The following HMCN2 variants were observed in gnomAD, a reference collection of about 807,000 sequenced individuals.
The protein encoded by HMCN2 is hemicentin-2.
HMCN2 carries 325 observed loss-of-function variants against 377.5 expected under a neutral mutation model. The observed-to-expected ratio is 0.86, with a 90% confidence interval of 0.79 to 0.94. HMCN2 has a LOEUF of 0.94. HMCN2 is among the 40% of genes least tolerant of loss of function. The pLI is 0.00. For synonymous variants in HMCN2, 2,007 were observed against 2,046.8 expected (o/e 0.98, Z 0.53); for missense variants, 4,543 against 4,725.3 (o/e 0.96, Z 1.13).
intron 15 of HMCN2, among the ~76,000 whole-genome samples, chr9:130,312,539 C>CCTTTCTTTCTTTTT: frequency 1.5e-4 from 1 of 6,620 alleles, no homozygotes; most frequent in African/African-American, 3.9e-4. Flanking sequence ...CTCCCTCCCT[C>CCTTTCTTTCTTTTT]CTTTCTTTCT....
Position 130,403,796 on chromosome 9 carries a change from A to C in HMCN2, c.12069A>C (p.Pro4023=). The C allele has an allele frequency of 7.8e-7, 1 of 1,289,832 alleles. No homozygotes were observed. The highest frequency in any genetic ancestry group is 1.5e-5 in the African/African-American group (1 of 65,986). 79.9% of individuals were successfully genotyped at this position (1,289,832 alleles called of 1,614,324 possible). A position where few individuals can be genotyped will look rare whatever the true frequency, so the allele number is the denominator to read the frequency against. ...AGCTGCGGATTGCCCATGCCAGCCC[A>C]GAGGATGCTGGAAACTATCTCTGCA... The part of the protein sequence containing the change: ...GGQLRIAHAS[P]EDAGNYLCIA... The change falls in exon 80 of 98, where the codon CCA becomes CCC. Residue 4023 remains proline, a synonymous_variant. Coordinates refer to ENST00000683500, the MANE Select transcript of HMCN2 (RefSeq NM_001291815.2).
intron 8 of HMCN2, among the ~76,000 whole-genome samples, chr9:130,300,832 A>G (rs1249466879): frequency 6.6e-6 from 1 of 152,082 alleles, no homozygotes; most frequent in Non-Finnish European, 1.5e-5. Flanking sequence ...AGAAGGGTGG[A>G]TCTTTGGCCT....
chr9:130,272,821 G>C (rs1020523566), intron 1 of HMCN2, among the ~76,000 whole-genome samples: 15 of 152,230 alleles, frequency 9.9e-5, no homozygotes, highest in African/African-American at 3.6e-4. Context: ...GCCTCCCAAA[G>C]TGCTGGGATT....
intron 8 of HMCN2, among the ~76,000 whole-genome samples, chr9:130,302,195 G>A (rs563816243): frequency 1.3e-5 from 2 of 151,988 alleles, no homozygotes; most frequent in African/African-American, 4.8e-5. Flanking sequence ...TTACAGGAAC[G>A]CGACACCACG....
chr9:130,397,486 C>A, intron 73 of HMCN2, 42 bp from the exon 74 acceptor site: 1 of 1,286,898 alleles, frequency 7.8e-7, no homozygotes, highest in Non-Finnish European at 1.0e-6. Context: ...CTCCAGACCC[C>A]ACTGGCTTGC....
chr9:130,295,742 G>A lies in HMCN2; in HGVS notation c.861G>A (p.Lys287=), dbSNP rs1339278962. The change falls in exon 6 of 98, where the codon AAG becomes AAA. Residue 287 remains lysine (K), a synonymous_variant. Coordinates refer to ENST00000683500, the MANE Select transcript of HMCN2 (RefSeq NM_001291815.2). ...ACTCGGCCAAGGTCGTAGCCTTTAA[G>A]CCTGAGCATCCGGGGCTGTGGTCCA... The part of the protein sequence containing the change: ...IPDSAKVVAF[K]PEHPGLWSIK... 2.1e-6 allele frequency: 1 copy of A among 470,946 alleles called. No homozygotes were observed. The highest frequency in any genetic ancestry group is 4.4e-6 in the Non-Finnish European group (1 of 227,002). The allele number at this position is 470,946 out of a possible 1,614,324, so 29.2% of individuals were successfully genotyped here.
intron 21 of HMCN2, among the ~76,000 whole-genome samples, chr9:130,326,986 T>C (rs1216971230): frequency 6.6e-6 from 1 of 151,850 alleles, no homozygotes; most frequent in Non-Finnish European, 1.5e-5. Flanking sequence ...CCTTTCAGAA[T>C]GTCCCTGGGG....
intron 46 of HMCN2, among the ~76,000 whole-genome samples, chr9:130,371,344 G>C (rs989093926): frequency 2.0e-5 from 3 of 151,174 alleles, no homozygotes; most frequent in African/African-American, 4.9e-5. Flanking sequence ...TTTGGAAAAG[G>C]CTTCCTGCTC....
At chr9:130,390,736 C>T (rs1411739278) in intron 62 of HMCN2, among the ~76,000 whole-genome samples, 2 of 119,090 alleles carry the variant, frequency 1.7e-5, no homozygotes, top group South Asian at 6.0e-4. Context: ...AGGGGCAGGG[C>T]GGGGAGGGAG....
chr9:130,362,798 G>A (rs2131570604), intron 39 of HMCN2, 69 bp from the exon 40 acceptor site: 1 of 980,572 alleles, frequency 1.0e-6, no homozygotes, highest in Non-Finnish European at 1.2e-6. Flanking sequence ...TGGGCAGGTG[G>A]GGTTCTGCCC....
chr9:130,372,861 C>T (rs1233542846), intron 47 of HMCN2, among the ~76,000 whole-genome samples, 177 bp from the exon 48 acceptor site: 1 of 152,174 alleles, frequency 6.6e-6, no homozygotes, highest in African/African-American at 2.4e-5. Flanking sequence ...GTACTTCCAT[C>T]AGGCAGCAGG....
chr9:130,295,710 A>G lies in HMCN2; in HGVS notation c.829A>G (p.Ile277Val), dbSNP rs781895445. The change falls in exon 6 of 98, where the codon ATC (isoleucine) becomes GTC (valine). Residue 277 changes from isoleucine (I) to valine (V), a missense_variant. Ile to Val is a conservative substitution (Grantham distance 29, BLOSUM62 3). Transcript: ENST00000683500. ...CGAGGGCCTCAACGTGCTTCTCAAC[A>G]TCCCTGACTCGGCCAAGGTCGTAGC... ...EDEGLNVLLNIPDSAKVVAFK... is the reference protein window; with the variant it reads ...EDEGLNVLLNVPDSAKVVAFK... 4.2e-6 allele frequency: 2 copies of G among 471,048 alleles called. No homozygotes were observed. The highest frequency in any genetic ancestry group is 6.5e-4 in the Middle Eastern group (2 of 3,078). 29.2% of individuals were successfully genotyped at this position (471,048 alleles called of 1,614,324 possible).
At chr9:130,425,997 C>A in intron 90 of HMCN2, 73 bp downstream of exon 90, 1 of 1,127,782 alleles carries the variant, frequency 8.9e-7, no homozygotes, top group Non-Finnish European at 1.3e-6. Flanking sequence ...ATGCACGTGG[C>A]TGGAATCCAC....
chr9:130,402,742 C>T, intron 77 of HMCN2, 47 bp from the exon 78 acceptor site: 2 of 1,187,530 alleles, frequency 1.7e-6, no homozygotes, highest in South Asian at 1.3e-5. Flanking sequence ...CACCTCCATC[C>T]CTGGGGACCT....
intron 36 of HMCN2, among the ~76,000 whole-genome samples, chr9:130,359,111 A>T (rs991114381): frequency 1.3e-5 from 2 of 151,870 alleles, no homozygotes; most frequent in Admixed American, 1.3e-4. Context: ...GTGCTGTATG[A>T]TTGCCGTAAG....
chr9:130,326,676 A>G lies in HMCN2; in HGVS notation c.3194-634A>G, dbSNP rs905185532. ...GGCTAGATGGGTTTTGATGTCCCCA[A>G]CTGGCTAGCTTCTTTCATTGTTGCT... On this transcript the variant is annotated intron_variant, in intron 21 of 97. Transcript: ENST00000683500. 7.2e-5 allele frequency among the ~76,000 whole-genome samples: 11 copies of G among 152,242 alleles called. No individual in the cohort carries two copies. The East Asian group carries it at 1.5e-3, about 21-fold the overall frequency.
chr9:130,291,828 A>G (rs1446439050), intron 4 of HMCN2, among the ~76,000 whole-genome samples: 2 of 152,182 alleles, frequency 1.3e-5, no homozygotes, highest in African/African-American at 4.8e-5. Context: ...ACTGTCTTTG[A>G]TCACAGTTTT....
rs1842462479 is a variant in HMCN2, at chr9:130,393,914, G to T, written c.10407G>T (p.Leu3469=). 1.6e-6 allele frequency: 2 copies of T among 1,289,458 alleles called. No individual in the cohort carries two copies. Among genetic ancestry groups the T allele is most frequent in the South Asian group, 2.5e-5 (2 of 81,012 alleles). The allele number at this position is 1,289,458 out of a possible 1,614,324, so 79.9% of individuals were successfully genotyped here. Residue 3469 remains leucine (L), a synonymous_variant, in exon 68 of 98, where the codon CTG becomes CTT. Transcript: ENST00000683500. The surrounding 1 kb of genome is among the most constrained non-coding windows in gnomAD (Gnocchi z 5.2). The stretch of plus-strand genomic sequence containing the variant: ...TCGAGCAGGGGCCCAGCCTGCAGCT[G>T]GAGGCAGTGGGAGCTGGTGACTCGG... ...QSLEQGPSLQ[L]EAVGAGDSGT...
intron 41 of HMCN2, among the ~76,000 whole-genome samples, chr9:130,365,182 G>A (rs191410711): frequency 1.6e-4 from 24 of 152,234 alleles, no homozygotes; most frequent in Admixed American, 2.6e-4. Context: ...CCCTCCTTCC[G>A]TTCATTCTTC....
Sources: allele counts gnomAD v4.1 joint callset (sites outside exome capture counted in the v4.1 genomes callset), GRCh38; gene constraint gnomAD v4.1.1; non-coding constraint Gnocchi (gnomAD v3.1); transcripts MANE v1.5; gene names NCBI Gene and HGNC (gene_info 2026-07-23, HGNC 2026-07-21).